TECRL: variants seen among roughly 807,000 people sequenced by gnomAD.
TECRL encodes the protein trans-2,3-enoyl-CoA reductase-like.
In TECRL, 63 loss-of-function variants were observed where a neutral mutation model predicts 52.8. That is an observed-to-expected ratio of 1.19 (90% CI 0.97 to 1.47). The LOEUF is 1.47. Ranked by LOEUF, TECRL falls within the 40% of genes most tolerant of loss-of-function variation. The probability of loss-of-function intolerance (pLI) is 0.00; values close to 1 mark genes in which losing one functional copy is unlikely to be tolerated. For missense variants in TECRL, 482 were observed against 429.6 expected, an observed-to-expected ratio of 1.12 and a Z score of -1.08; for synonymous variants, 164 against 141.9, an observed-to-expected ratio of 1.16 and a Z score of -1.10.
chr4:64,349,096 A>T (rs1294023785), intron 2 of TECRL, among the ~76,000 whole-genome samples: 17 of 148,968 alleles, frequency 1.1e-4, no homozygotes, highest in African/African-American at 3.2e-4. Context: ...ATTTTCATAA[A>T]TTTTTTTTAA....
At chr4:64,318,385 A>C (rs1717658382) in intron 4 of TECRL, among the ~76,000 whole-genome samples, 1 of 152,114 alleles carries the variant, frequency 6.6e-6, no homozygotes, top group African/African-American at 2.4e-5. Flanking sequence ...AATTTAAAAG[A>C]AGAATTTAAA....
chr4:64,343,592 A>G (rs979261234), intron 2 of TECRL, among the ~76,000 whole-genome samples: 14 of 152,174 alleles, frequency 9.2e-5, no homozygotes, highest in South Asian at 4.1e-4. Context: ...ACAGACACAC[A>G]CACACACACA....
intron 2 of TECRL, among the ~76,000 whole-genome samples, chr4:64,366,451 G>T (rs1721602913): frequency 6.6e-6 from 1 of 152,050 alleles, no homozygotes; most frequent in Admixed American, 6.6e-5. Flanking sequence ...CAAAGCAAAA[G>T]AAACTATCAA....
At position 64,375,231 on chromosome 4, in the gene TECRL, G is replaced by T; in HGVS notation, c.235-8C>A. ...AGTAGATGATTGTGTCACCTGAAAA[G>T]GAAAAGAAAATAGAGTTATTTTTAA... is the stretch of plus-strand genomic sequence containing the variant. On this transcript the variant is annotated splice_region_variant and splice_polypyrimidine_tract_variant and intron_variant, in intron 1 of 11. Transcript: ENST00000381210. The T allele has an allele frequency of 7.3e-7, 1 of 1,368,416 alleles. No homozygotes were observed. Among genetic ancestry groups the T allele is most frequent in the East Asian group, 2.9e-5 (1 of 34,630 alleles). The allele number at this position is 1,368,416 out of a possible 1,614,324, so 84.8% of individuals were successfully genotyped here.
At position 64,277,864 on chromosome 4, in the gene TECRL, G is replaced by A. The variant is rs552144855; in HGVS notation, c.*2208C>T. On this transcript the variant is annotated 3_prime_UTR_variant, in exon 12 of 12. Coordinates refer to ENST00000381210, the MANE Select transcript of TECRL (RefSeq NM_001010874.5). ...TTTATATAGGTCATCTCTTTGTGAAGTATATATGCATGCTCACATAGAAAC... is the reference window on the plus strand; with the variant it reads ...TTTATATAGGTCATCTCTTTGTGAAATATATATGCATGCTCACATAGAAAC... The A allele has an allele frequency of 1.5e-4, 23 of 151,682 alleles. No homozygotes were observed. In the East Asian group the frequency reaches 3.3e-3, roughly 22 times the overall value. The allele number at this position is 151,682 out of a possible 1,614,324, so 9.4% of individuals were successfully genotyped here.
At chr4:64,406,796 A>G (rs1364196348) in intron 1 of TECRL, among the ~76,000 whole-genome samples, 2 of 152,026 alleles carry the variant, frequency 1.3e-5, no homozygotes, top group Non-Finnish European at 2.9e-5. Context: ...AAATTGTACC[A>G]CTTTACAGCA....
At chr4:64,302,997 G>A (rs1458951442) in intron 7 of TECRL, among the ~76,000 whole-genome samples, 2 of 150,700 alleles carry the variant, frequency 1.3e-5, no homozygotes, top group African/African-American at 4.9e-5. Flanking sequence ...TGCTTATATT[G>A]TATTTTTAAG....
intron 2 of TECRL, among the ~76,000 whole-genome samples, chr4:64,369,886 G>A (rs1721867602): frequency 6.6e-6 from 1 of 151,786 alleles, no homozygotes; most frequent in African/African-American, 2.4e-5. Flanking sequence ...ATGTAGTGAT[G>A]TTATAAGACA....
rs554857598 is a variant in TECRL at position 64,295,252 on chromosome 4, T to C, written c.774+4722A>G. On this transcript the variant is annotated intron_variant, in intron 8 of 11. Transcript: ENST00000381210. The stretch of plus-strand genomic sequence containing the variant: ...TAATGGTAAGACTCTAAATAAAAGT[T>C]CAGATATTGCATTTATATTATTACA... Among the ~76,000 whole-genome samples, 129 of 151,492 alleles carry C rather than the reference T, an allele frequency of 8.5e-4. 1 individual carries two copies. Among genetic ancestry groups the C allele is most frequent in the Non-Finnish European group, 1.8e-3 (122 of 67,648 alleles).
downstream of TECRL, chr4:64,277,160 T>A (rs1722601145): frequency 1.4e-6 from 1 of 704,626 alleles, no homozygotes. Context: ...ACAAAAAAAG[T>A]ATGATGGAGC....
At chr4:64,351,748 G>T (rs981366242) in intron 2 of TECRL, among the ~76,000 whole-genome samples, 6 of 152,092 alleles carry the variant, frequency 3.9e-5, no homozygotes, top group African/African-American at 1.4e-4. Flanking sequence ...TTAAAACATT[G>T]TACATGACAA....
intron 2 of TECRL, among the ~76,000 whole-genome samples, chr4:64,337,666 T>C (rs1048610480): frequency 3.3e-5 from 5 of 152,048 alleles, no homozygotes; most frequent in Admixed American, 2.6e-4. Context: ...ATGAGTGAAC[T>C]CCCATTCACA....
intron 6 of TECRL, among the ~76,000 whole-genome samples, chr4:64,306,777 C>T (rs1455454366): frequency 1.3e-5 from 2 of 152,158 alleles, no homozygotes; most frequent in African/African-American, 2.4e-5. Flanking sequence ...GTCAGCACTG[C>T]TCAGCAAGCA....
At chr4:64,366,435 C>T (rs1005528616) in intron 2 of TECRL, among the ~76,000 whole-genome samples, 2 of 152,034 alleles carry the variant, frequency 1.3e-5, no homozygotes, top group African/African-American at 4.8e-5. Context: ...AACTAAAGAG[C>T]TTCTGCAAAG....
chr4:64,337,440 G>C (rs1719185961), intron 2 of TECRL, among the ~76,000 whole-genome samples: 1 of 152,124 alleles, frequency 6.6e-6, no homozygotes, highest in African/African-American at 2.4e-5. Flanking sequence ...AATTAGGCAG[G>C]AGAAAGAAAT....
chr4:64,353,899 G>A (rs1720577145), intron 2 of TECRL, among the ~76,000 whole-genome samples: 1 of 152,200 alleles, frequency 6.6e-6, no homozygotes, highest in Middle Eastern at 3.4e-3. Flanking sequence ...CCTCAAAGAA[G>A]TCTGAAAATG....
intron 1 of TECRL, among the ~76,000 whole-genome samples, chr4:64,388,257 C>T (rs1238210453): frequency 2.9e-5 from 4 of 137,168 alleles, no homozygotes; most frequent in African/African-American, 1.0e-4. Context: ...CTAGTTGCTC[C>T]AGCACTATTT....
rs113881110 is a variant in TECRL at position 64,282,240 on chromosome 4, A to T, written c.833-681T>A. On this transcript the variant is annotated intron_variant, in intron 9 of 11. Coordinates refer to ENST00000381210, the MANE Select transcript of TECRL (RefSeq NM_001010874.5). ...TTTTAAGAAACATTTTAGATAACAA[A>T]TTTTTAATGATTTCAGGTTGAACTT... 8.1e-3 allele frequency among the ~76,000 whole-genome samples: 1,237 copies of T among 152,064 alleles called. 14 individuals are homozygous for T. Among genetic ancestry groups the T allele is most frequent in the African/African-American group, 0.028 (1,154 of 41,538 alleles).
At chr4:64,329,016 A>G (rs528620720) in intron 2 of TECRL, among the ~76,000 whole-genome samples, 2 of 152,120 alleles carry the variant, frequency 1.3e-5, no homozygotes, top group East Asian at 3.9e-4. Flanking sequence ...TATCAGAATT[A>G]TATGTATCAT....
Sources: gnomAD v4.1 joint callset for allele counts (sites outside exome capture counted in the v4.1 genomes callset) on GRCh38, gnomAD v4.1.1 for gene constraint, MANE v1.5 for transcripts, NCBI Gene and HGNC (gene_info 2026-07-23, HGNC 2026-07-21) for gene names.